CDYL: variants seen among roughly 807,000 people sequenced by gnomAD.
The protein encoded by CDYL is chromodomain Y like.
A neutral mutation model predicts 47.3 loss-of-function variants in CDYL; 8 were observed. That is an observed-to-expected ratio of 0.17 (90% CI 0.10 to 0.31). The LOEUF is 0.31. CDYL is among the 10% of genes least tolerant of loss of function. The probability of loss-of-function intolerance (pLI) is 1.00; values close to 1 mark genes in which losing one functional copy is unlikely to be tolerated. For synonymous variants in CDYL, 266 were observed against 265.0 expected, an observed-to-expected ratio of 1.00 and a Z score of -0.04; for missense variants, 471 against 701.4, an observed-to-expected ratio of 0.67 and a Z score of 3.71.
upstream of CDYL, among the ~76,000 whole-genome samples, chr6:4,776,175 G>T (rs1176978594): frequency 6.6e-4 from 4 of 6,070 alleles, no homozygotes; most frequent in African/African-American, 2.6e-3. Flanking sequence ...CCGCGCTCGC[G>T]GCCCCGCCCC....
chr6:4,712,415 G>C (rs1480013183), intron 1 of CDYL, among the ~76,000 whole-genome samples: 1 of 152,236 alleles, frequency 6.6e-6, no homozygotes, highest in East Asian at 1.9e-4. Flanking sequence ...GGTGACAGTG[G>C]CCAGCGGAGT....
intron 2 of CDYL, among the ~76,000 whole-genome samples, chr6:4,900,779 G>GTGTGTGTGTGTATATATATATATATA: frequency 1.9e-5 from 1 of 51,706 alleles, no homozygotes; most frequent in African/African-American, 6.3e-5. Context: ...GTATACGTGT[G>GTGTGTGTGTGTATATATATATATATA]TATATATATA....
chr6:4,850,383 T>C (rs1760788296), intron 1 of CDYL, among the ~76,000 whole-genome samples: 1 of 152,242 alleles, frequency 6.6e-6, no homozygotes, highest in Admixed American at 6.5e-5. Context: ...GTGACTTTTG[T>C]CAATTAACTA....
chr6:4,772,609 A>C (rs1190663548), upstream of CDYL, among the ~76,000 whole-genome samples: 3 of 152,154 alleles, frequency 2.0e-5, no homozygotes, highest in African/African-American at 7.2e-5. Flanking sequence ...GGTGATTGAG[A>C]TGGAAATTCC....
intron 1 of CDYL, among the ~76,000 whole-genome samples, chr6:4,796,970 T>G (rs1168693299): frequency 6.6e-6 from 1 of 152,212 alleles, no homozygotes; most frequent in African/African-American, 2.4e-5. Flanking sequence ...ACTATACAGA[T>G]TCTGTGTCTG....
chr6:4,821,457 G>A (rs910984678), intron 1 of CDYL, among the ~76,000 whole-genome samples: 3 of 151,844 alleles, frequency 2.0e-5, no homozygotes, highest in Non-Finnish European at 2.9e-5. Context: ...CTTGTGGCCC[G>A]GCGTGGTGGC....
intron 1 of CDYL, among the ~76,000 whole-genome samples, chr6:4,873,658 C>G (rs1761535500): frequency 6.6e-6 from 1 of 152,168 alleles, no homozygotes. Flanking sequence ...ACATGACTGT[C>G]AGAAATTTCT....
At chr6:4,913,618 G>A (rs899704519) in intron 2 of CDYL, among the ~76,000 whole-genome samples, 7 of 152,174 alleles carry the variant, frequency 4.6e-5, no homozygotes, top group Non-Finnish European at 8.8e-5. Flanking sequence ...ACCTTCTTCC[G>A]GCCTTCCAGG....
At chr6:4,864,348 G>A (rs368248550) in intron 1 of CDYL, among the ~76,000 whole-genome samples, 3 of 152,128 alleles carry the variant, frequency 2.0e-5, no homozygotes, top group Non-Finnish European at 4.4e-5. Context: ...TTAGTTGTAC[G>A]AAACAGTAAT....
At chr6:4,865,322 A>T (rs1254688408) in intron 1 of CDYL, among the ~76,000 whole-genome samples, 1 of 152,174 alleles carries the variant, frequency 6.6e-6, no homozygotes, top group Non-Finnish European at 1.5e-5. Flanking sequence ...TAAAATAGCC[A>T]ATTGGAATTA....
chr6:4,880,007 T>TA lies in CDYL; in HGVS notation c.25-11705dup, dbSNP rs542108800. 3.1e-4 allele frequency among the ~76,000 whole-genome samples: 47 copies of TA among 152,344 alleles called. No homozygotes were observed. The South Asian group carries it at 9.3e-3, about 30-fold the overall frequency. On this transcript the variant is annotated intron_variant, in intron 1 of 6. Transcript: ENST00000397588. ...TTATCAGCATTCCCCACCAGAGTGATACAGCTGTTACACTTGATGCATCTA... is the reference window on the plus strand; with the variant it reads ...TTATCAGCATTCCCCACCAGAGTGATAACAGCTGTTACACTTGATGCATCTA...
intron 1 of CDYL, among the ~76,000 whole-genome samples, chr6:4,802,774 C>G (rs563861560): frequency 6.7e-6 from 1 of 148,366 alleles, no homozygotes; most frequent in Non-Finnish European, 1.5e-5. Flanking sequence ...GAGTCAGCCA[C>G]CATCCTTTTT....
chr6:4,748,602 A>G (rs576495410), intron 3 of CDYL, among the ~76,000 whole-genome samples: 2 of 151,136 alleles, frequency 1.3e-5, no homozygotes, highest in South Asian at 4.2e-4. Context: ...CGTGGGAGGT[A>G]TGGGGACCAG....
chr6:4,893,297 C>G (rs1762103061), intron 2 of CDYL, among the ~76,000 whole-genome samples: 1 of 152,244 alleles, frequency 6.6e-6, no homozygotes, highest in Non-Finnish European at 1.5e-5. Context: ...CTCGCTCTCT[C>G]TGTCAGCACC....
chr6:4,756,377 C>T (rs1758074459), intron 3 of CDYL, among the ~76,000 whole-genome samples: 1 of 152,164 alleles, frequency 6.6e-6, no homozygotes, highest in South Asian at 2.1e-4. Flanking sequence ...GCCTTCTAAA[C>T]TTTGCTCACT....
chr6:4,746,581 G>T (rs1757903077), intron 3 of CDYL, among the ~76,000 whole-genome samples: 1 of 152,190 alleles, frequency 6.6e-6, no homozygotes, highest in Non-Finnish European at 1.5e-5. Flanking sequence ...AAGCCTGGTG[G>T]CTGAGAGAGG....
At chr6:4,821,049 C>G (rs1243633208) in intron 1 of CDYL, among the ~76,000 whole-genome samples, 1 of 152,106 alleles carries the variant, frequency 6.6e-6, no homozygotes, top group Non-Finnish European at 1.5e-5. Flanking sequence ...TTGTATTCAT[C>G]TTATTAATGA....
chr6:4,920,327 C>T (rs1177298446), intron 2 of CDYL, among the ~76,000 whole-genome samples: 1 of 152,134 alleles, frequency 6.6e-6, no homozygotes, highest in East Asian at 1.9e-4. Context: ...ATGCTCTGTG[C>T]CTTGTGTCAC....
At chr6:4,867,962 TC>T (rs1188367448) in intron 1 of CDYL, among the ~76,000 whole-genome samples, 1 of 152,044 alleles carries the variant, frequency 6.6e-6, no homozygotes, top group Non-Finnish European at 1.5e-5. Flanking sequence ...GTCTCCTCTT[TC>T]ATTTCTGATA....
Sources: gnomAD v4.1 joint callset for allele counts (sites outside exome capture counted in the v4.1 genomes callset) on GRCh38, gnomAD v4.1.1 for gene constraint, MANE v1.5 for transcripts, NCBI Gene and HGNC (gene_info 2026-07-23, HGNC 2026-07-21) for gene names.